The following POR variants were observed in gnomAD, a reference collection of about 807,000 sequenced individuals.
The protein encoded by POR is NADPH--cytochrome P450 reductase.
POR carries 56 observed loss-of-function variants against 84.0 expected under a neutral mutation model. The observed-to-expected ratio is 0.67, with a 90% CI of 0.54 to 0.83. The LOEUF (loss-of-function observed/expected upper bound fraction) is 0.83. Among genes scored for constraint, POR ranks in the 40% least tolerant of loss-of-function variants. POR has a pLI of 0.00. For synonymous variants in POR, 414 were observed against 400.5 expected, an observed-to-expected ratio of 1.03 and a Z score of -0.40; for missense variants, 938 against 944.3, an observed-to-expected ratio of 0.99 and a Z score of 0.09.
At position 75,926,562 on chromosome 7, in the gene POR, G is replaced by A. The variant is rs144992408; in HGVS notation, c.-5+11383G>A. 2.9e-3 allele frequency among the ~76,000 whole-genome samples: 439 copies of A among 152,204 alleles called. 3 individuals carry two copies. Among genetic ancestry groups the A allele is most frequent in the Non-Finnish European group, 3.0e-3 (203 of 68,006 alleles). ...TGTAATCCCAGCACTTTGGGAGGCCGAGGCGGGCAGATCACCTGAGGTCGC... is the reference window on the plus strand; with the variant it reads ...TGTAATCCCAGCACTTTGGGAGGCCAAGGCGGGCAGATCACCTGAGGTCGC... On this transcript the variant is annotated intron_variant, in intron 1 of 15. Coordinates refer to ENST00000461988, the MANE Select transcript of POR (RefSeq NM_000941.3).
chr7:75,950,403 C>G (rs996213302), intron 1 of POR, among the ~76,000 whole-genome samples: 1 of 152,186 alleles, frequency 6.6e-6, no homozygotes, highest in Non-Finnish European at 1.5e-5. Flanking sequence ...GGACCGGTCA[C>G]TTGGGGAGTT....
Position 75,985,750 on chromosome 7 carries a change from C to T in POR, c.1570C>T (p.Pro524Ser), listed in dbSNP as rs782556802. Residue 524 changes from proline (P) to serine (S), a missense_variant, in exon 13 of 16, where the codon CCC (proline) becomes TCC (serine). Physicochemically the swap from Pro to Ser is moderately conservative, Grantham distance 74 (BLOSUM62 -1). Transcript: ENST00000461988. ...CGTGCGCAAGTCCCAGTTCCGCCTG[C>T]CCTTCAAGGCCACCACGCCTGTCAT... 1.3e-6 allele frequency: 2 copies of T among 1,582,750 alleles called. No individual in the cohort carries two copies. Among genetic ancestry groups the T allele is most frequent in the Non-Finnish European group, 1.7e-6 (2 of 1,165,906 alleles).
chr7:75,949,059 TAAG>T (rs1787302933), intron 1 of POR, among the ~76,000 whole-genome samples: 1 of 152,146 alleles, frequency 6.6e-6, no homozygotes, highest in Non-Finnish European at 1.5e-5. Context: ...GGGAGCGTAG[TAAG>T]AAATGTGGGT....
At chr7:75,946,217 A>G (rs1554552117) in intron 1 of POR, among the ~76,000 whole-genome samples, 1 of 152,036 alleles carries the variant, frequency 6.6e-6, no homozygotes, top group Non-Finnish European at 1.5e-5. Flanking sequence ...AATTTATAAT[A>G]AAAGTCAGGT....
chr7:75,957,005 C>T (rs1787716693), intron 2 of POR, among the ~76,000 whole-genome samples: 1 of 152,212 alleles, frequency 6.6e-6, no homozygotes, highest in Non-Finnish European at 1.5e-5. Context: ...GGATTATAGG[C>T]GTGAGCCACC....
At position 75,986,613 on chromosome 7, in the gene POR, G is replaced by A. The variant is rs782477300; in HGVS notation, c.*132G>A. 9.4e-6 allele frequency: 11 copies of A among 1,168,468 alleles called. No homozygotes were observed. Among genetic ancestry groups the A allele is most frequent in the African/African-American group, 1.5e-5 (1 of 65,360 alleles). 72.4% of individuals were successfully genotyped at this position (1,168,468 alleles called of 1,614,324 possible). ...AGGCCCAGTGACAAAGACTCCTCTGGGCCTGGGGTGCATCCTCCTCAGCCC... is the reference window on the plus strand; with the variant it reads ...AGGCCCAGTGACAAAGACTCCTCTGAGCCTGGGGTGCATCCTCCTCAGCCC... On this transcript the variant is annotated 3_prime_UTR_variant, in exon 16 of 16. Transcript: ENST00000461988.
intron 1 of POR, among the ~76,000 whole-genome samples, chr7:75,936,015 A>G (rs1807658750): frequency 6.6e-6 from 1 of 151,458 alleles, no homozygotes; most frequent in South Asian, 2.1e-4. Flanking sequence ...CACCTAAAGA[A>G]GGGATCAAGT....
Position 75,984,872 on chromosome 7 carries a change from G to A in POR, c.1162G>A (p.Val388Met), listed in dbSNP as rs782458149. The change falls in exon 11 of 16, where the codon GTG becomes ATG. Residue 388 changes from valine to methionine, a missense_variant. Physicochemically the swap from Val to Met is conservative, Grantham distance 21. Coordinates refer to ENST00000461988, the MANE Select transcript of POR (RefSeq NM_000941.3). Reference sequence around the variant, plus strand: ...CATCACCAACCCGCCGCGTACCAACGTGCTGTACGAGCTGGCGCAGTACGC... The same window carrying A: ...CATCACCAACCCGCCGCGTACCAACATGCTGTACGAGCTGGCGCAGTACGC... The A allele has an allele frequency of 1.1e-5, 18 of 1,612,420 alleles. No individual in the cohort carries two copies. The highest frequency in any genetic ancestry group is 1.0e-4 in the Admixed American group (6 of 59,992).
chr7:75,938,533 G>C (rs1807811803), intron 1 of POR, among the ~76,000 whole-genome samples: 2 of 152,132 alleles, frequency 1.3e-5, no homozygotes, highest in Non-Finnish European at 2.9e-5. Context: ...CAAGATGGGA[G>C]GATTGCTTGA....
At chr7:75,965,524 C>T (rs1788140261) in intron 2 of POR, among the ~76,000 whole-genome samples, 2 of 152,156 alleles carry the variant, frequency 1.3e-5, no homozygotes, top group African/African-American at 4.8e-5. Context: ...TTTCCATCCC[C>T]TTTGATTGCA....
chr7:75,954,181 G>T lies in POR; in HGVS notation c.188+1G>T. ...CCGAGTTCACCAAAATTCAGACATT[G>T]TAAGTGCCGCCTCTCAGCCTCCTCT... On this transcript the variant is annotated splice_donor_variant, in intron 2 of 15. Coordinates refer to ENST00000461988, the MANE Select transcript of POR (RefSeq NM_000941.3). LOFTEE classifies it high-confidence loss of function. 6.2e-7 allele frequency: 1 copy of T among 1,605,566 alleles called. No homozygotes were observed. Among genetic ancestry groups the T allele is most frequent in the Non-Finnish European group, 8.5e-7 (1 of 1,175,312 alleles).
chr7:75,954,346 A>G (rs1787588100), intron 2 of POR, among the ~76,000 whole-genome samples, 166 bp downstream of exon 2: 2 of 151,832 alleles, frequency 1.3e-5, no homozygotes, highest in South Asian at 2.1e-4. Context: ...CTCTCCCTTA[A>G]TCATCTCTTA....
intron 2 of POR, among the ~76,000 whole-genome samples, chr7:75,956,333 T>C (rs1554553742): frequency 3.3e-5 from 5 of 152,120 alleles, no homozygotes. Context: ...TTCAATCTTA[T>C]CTCCATCATT....
chr7:75,950,106 G>C (rs1171163242), intron 1 of POR, among the ~76,000 whole-genome samples: 2 of 150,304 alleles, frequency 1.3e-5, no homozygotes, highest in Non-Finnish European at 3.0e-5. Flanking sequence ...TCCTGACCTC[G>C]TGATCCACCC....
At chr7:75,937,335 G>GT (rs1807746874) in intron 1 of POR, among the ~76,000 whole-genome samples, 2 of 151,206 alleles carry the variant, frequency 1.3e-5, no homozygotes, top group African/African-American at 4.9e-5. Context: ...AGCCAGGCAT[G>GT]TTGGCGGGTG....
At chr7:75,974,524 CTTTTTTTTTTTT>C (rs1238804117) in intron 3 of POR, among the ~76,000 whole-genome samples, 11 of 107,914 alleles carry the variant, frequency 1.0e-4, no homozygotes, top group Non-Finnish European at 1.8e-5. Context: ...TTTTTCTTTT[CTTTTTTTTTTTT>C]TTTTTTTTGA....
At chr7:75,956,119 C>T (rs527402449) in intron 2 of POR, among the ~76,000 whole-genome samples, 8 of 152,122 alleles carry the variant, frequency 5.3e-5, no homozygotes, top group Admixed American at 2.6e-4. Context: ...GCCAACATGG[C>T]GAAACCCCGT....
intron 1 of POR, chr7:75,923,062 C>T (rs140431323): frequency 5.7e-4 from 391 of 689,930 alleles, no homozygotes; most frequent in Middle Eastern, 2.9e-4. Context: ...TTTACTGGTG[C>T]GGAGAGCCAT....
At chr7:75,986,128 G>GCC in intron 14 of POR, 31 bp from the exon 15 acceptor site, 1 of 1,590,768 alleles carries the variant, frequency 6.3e-7, no homozygotes, top group Non-Finnish European at 8.6e-7. Context: ...CAGCCACAGT[G>GCC]CCCCCCTCAC....
Sources: gnomAD v4.1 joint callset for allele counts (sites outside exome capture counted in the v4.1 genomes callset) on GRCh38, gnomAD v4.1.1 for gene constraint, MANE v1.5 for transcripts, NCBI Gene and HGNC (gene_info 2026-07-23, HGNC 2026-07-21) for gene names.